The following HDAC9 variants were observed in gnomAD, a reference collection of about 807,000 sequenced individuals.
HDAC9 encodes the protein MEF-2 interacting transcription repressor (MITR) protein.
Under a neutral mutation model 139.4 loss-of-function variants are expected in HDAC9, and 41 were observed. The ratio of observed to expected loss-of-function variants is 0.29; its 90% CI spans 0.23 to 0.38. The LOEUF is 0.38. Among genes scored for constraint, HDAC9 ranks in the 10% least tolerant of loss-of-function variants. The pLI is 1.00. For missense variants in HDAC9, 1,147 were observed against 1,297.0 expected, an observed-to-expected ratio of 0.88 and a Z score of 1.78; for synonymous variants, 517 against 476.2, an observed-to-expected ratio of 1.09 and a Z score of -1.12.
In HDAC9 at chr7:18,681,279, G is replaced by T. The variant is rs1195615740; in HGVS notation, c.1731+14803G>T. ...TTTTTGAATTAGAATATTCCAGTTTGGTCTTGTTTTCATAAAAAAGATGGT... is the reference window on the plus strand; with the variant it reads ...TTTTTGAATTAGAATATTCCAGTTTTGTCTTGTTTTCATAAAAAAGATGGT... On this transcript the variant is annotated intron_variant, in intron 12 of 25. Transcript: ENST00000686413. 3.3e-5 allele frequency among the ~76,000 whole-genome samples: 5 copies of T among 151,856 alleles called. No individual in the cohort carries two copies. The East Asian group carries it at 9.7e-4, about 29-fold the overall frequency.
intron 16 of HDAC9, among the ~76,000 whole-genome samples, chr7:18,780,667 T>C (rs1791173404): frequency 6.6e-6 from 1 of 152,000 alleles, no homozygotes; most frequent in African/African-American, 2.4e-5. Flanking sequence ...GGGGTGGTGT[T>C]TGGAGTTTAG....
intron 1 of HDAC9, among the ~76,000 whole-genome samples, chr7:18,095,236 T>G (rs1268151872): frequency 6.6e-6 from 1 of 152,154 alleles, no homozygotes; most frequent in Non-Finnish European, 1.5e-5. Flanking sequence ...TACAACACAC[T>G]GAGATCTCAT....
chr7:18,947,505 A>G (rs1371578709), intron 23 of HDAC9, among the ~76,000 whole-genome samples: 1 of 151,972 alleles, frequency 6.6e-6, no homozygotes, highest in Non-Finnish European at 1.5e-5. Flanking sequence ...GAAATGGAAT[A>G]TATTAAATGG....
intron 2 of HDAC9, among the ~76,000 whole-genome samples, chr7:18,516,518 G>A (rs1354086630): frequency 6.6e-6 from 1 of 152,100 alleles, no homozygotes; most frequent in East Asian, 1.9e-4. Flanking sequence ...TCCTTCACAT[G>A]AGAACCCCAG....
intron 2 of HDAC9, among the ~76,000 whole-genome samples, chr7:18,276,785 C>A (rs1376524364): frequency 1.3e-5 from 2 of 152,166 alleles, no homozygotes; most frequent in Non-Finnish European, 1.5e-5. Flanking sequence ...AGAAATAAAG[C>A]TTATTCATTT....
At chr7:18,354,811 A>G (rs1473498197) in intron 1 of HDAC9, among the ~76,000 whole-genome samples, 1 of 152,162 alleles carries the variant, frequency 6.6e-6, no homozygotes, top group African/African-American at 2.4e-5. Context: ...AGAAGGATCT[A>G]AAACAGGCAA....
At chr7:18,167,349 T>A (rs548207457) in intron 2 of HDAC9, among the ~76,000 whole-genome samples, 1 of 152,326 alleles carries the variant, frequency 6.6e-6, no homozygotes, top group South Asian at 2.1e-4. Context: ...AGTGCTTTAA[T>A]AAGTGAGGCA....
intron 1 of HDAC9, among the ~76,000 whole-genome samples, chr7:18,154,758 A>G (rs191916716): frequency 7.9e-5 from 12 of 152,334 alleles, no homozygotes; most frequent in Admixed American, 7.2e-4. Context: ...TGTACACAAT[A>G]TTGAAGCTTG....
At chr7:18,154,716 T>A (rs149391116) in intron 1 of HDAC9, among the ~76,000 whole-genome samples, 58 of 152,306 alleles carry the variant, frequency 3.8e-4, no homozygotes, top group African/African-American at 1.2e-3. Context: ...ATTAAAGAAA[T>A]GTGATTAAAG....
In HDAC9 at chr7:18,392,395, A is replaced by G. The variant is rs201392932; in HGVS notation, c.-42+101880A>G. 2.1e-3 allele frequency among the ~76,000 whole-genome samples: 258 copies of G among 121,458 alleles called. 1 individual carries two copies. Among genetic ancestry groups the G allele is most frequent in the Middle Eastern group, 8.1e-3 (2 of 248 alleles). The allele number at this position is 121,458 out of a possible 152,430, so 79.7% of individuals were successfully genotyped here. A position where few individuals can be genotyped will look rare whatever the true frequency, so the allele number is the denominator to read the frequency against. On this transcript the variant is annotated intron_variant, in intron 1 of 3. Coordinates refer to the HDAC9 transcript ENST00000413509. ...TGTCTCTCTAGATAGATGGATAGAT[A>G]GATGGATAGATAGATAGATAGATAG... is the stretch of plus-strand genomic sequence containing the variant.
chr7:18,875,620 G>T (rs1799263244), intron 22 of HDAC9, among the ~76,000 whole-genome samples: 1 of 152,158 alleles, frequency 6.6e-6, no homozygotes, highest in South Asian at 2.1e-4. Flanking sequence ...TTTGTGCCTT[G>T]TTGTCTATTA....
At chr7:18,700,100 G>T (rs1485731332) in intron 12 of HDAC9, among the ~76,000 whole-genome samples, 1 of 152,040 alleles carries the variant, frequency 6.6e-6, no homozygotes, top group Non-Finnish European at 1.5e-5. Flanking sequence ...ACTTGTCCTG[G>T]CATTGGAAGC....
intron 1 of HDAC9, among the ~76,000 whole-genome samples, chr7:18,125,230 G>C (rs1341521311): frequency 6.6e-6 from 1 of 152,024 alleles, no homozygotes; most frequent in Admixed American, 6.6e-5. Context: ...CTGCCACCCG[G>C]GACACTGCCT....
chr7:18,925,339 G>A (rs1433935085), intron 22 of HDAC9, among the ~76,000 whole-genome samples: 1 of 152,152 alleles, frequency 6.6e-6, no homozygotes, highest in African/African-American at 2.4e-5. Context: ...GGGAAGTTGT[G>A]TGGTGAATAA....
intron 16 of HDAC9, among the ~76,000 whole-genome samples, chr7:18,787,647 A>AATATGGAAATTTTTAC (rs1791934710): frequency 6.6e-6 from 1 of 152,220 alleles, no homozygotes; most frequent in South Asian, 2.1e-4. Context: ...CATACTGTAA[A>AATATGGAAATTTTTAC]ATACAGTTAA....
intron 1 of HDAC9, among the ~76,000 whole-genome samples, chr7:18,464,600 T>C (rs1386419684): frequency 1.3e-5 from 2 of 152,026 alleles, no homozygotes; most frequent in Non-Finnish European, 2.9e-5. Context: ...GCCTAGTATG[T>C]TGTTTGAAAT....
chr7:18,228,608 A>G (rs1460942452), intron 2 of HDAC9, among the ~76,000 whole-genome samples: 1 of 152,174 alleles, frequency 6.6e-6, no homozygotes, highest in Non-Finnish European at 1.5e-5. Context: ...AAGGAACTGC[A>G]GTTGAAGGAC....
intron 2 of HDAC9, among the ~76,000 whole-genome samples, chr7:18,573,813 G>A (rs1422241490): frequency 6.6e-6 from 1 of 152,186 alleles, no homozygotes; most frequent in Non-Finnish European, 1.5e-5. Flanking sequence ...GCTTGGAGAT[G>A]CCTGGAACCA....
At position 18,624,760 on chromosome 7, in the gene HDAC9, C is replaced by T. The variant is rs536971016; in HGVS notation, c.665-4590C>T. Among the ~76,000 whole-genome samples the T allele has an allele frequency of 3.3e-5, 5 of 151,878 alleles. No individual in the cohort carries two copies. In the South Asian group the frequency reaches 1.0e-3, roughly 32 times the overall value. ...TTAATTCTTCTGCTTGGGTATATATCATGCTGAGCTTCTGTGTGTGGGCTT... is the reference window on the plus strand; with the variant it reads ...TTAATTCTTCTGCTTGGGTATATATTATGCTGAGCTTCTGTGTGTGGGCTT... On this transcript the variant is annotated intron_variant, in intron 6 of 25. Coordinates refer to ENST00000686413, the MANE Select transcript of HDAC9 (RefSeq NM_178425.4).
Sources: gnomAD v4.1 joint callset for allele counts (sites outside exome capture counted in the v4.1 genomes callset) on GRCh38, gnomAD v4.1.1 for gene constraint, MANE v1.5 for transcripts, NCBI Gene and HGNC (gene_info 2026-07-23, HGNC 2026-07-21) for gene names.